TENM2: variants seen among roughly 807,000 people sequenced by gnomAD.
The protein encoded by TENM2 is teneurin transmembrane protein 2.
A neutral mutation model predicts 245.2 loss-of-function variants in TENM2; 52 were observed. That is an observed-to-expected ratio of 0.21 (90% CI 0.17 to 0.27). The LOEUF is 0.27. Among genes scored for constraint, TENM2 ranks in the 10% least tolerant of loss-of-function variants. The pLI is 1.00. For missense variants in TENM2, 3,046 were observed against 3,666.8 expected (o/e 0.83, Z 4.37); for synonymous variants, 1,363 against 1,438.9 (o/e 0.95, Z 1.19).
chr5:168,230,837 G>A (rs535288632), intron 25 of TENM2: 1 of 152,244 alleles, frequency 6.6e-6, no homozygotes, highest in Non-Finnish European at 1.5e-5. Flanking sequence ...TTAGTAGTGT[G>A]ATGTAAGCTA....
At chr5:167,079,455 G>A in the TENM2 span, among the ~76,000 whole-genome samples, 1 of 150,908 alleles carries the variant, frequency 6.6e-6, no homozygotes, top group African/African-American at 2.4e-5. Flanking sequence ...CTGGGATTGT[G>A]GGCATGCGCC....
chr5:167,852,146 G>A (rs1315671554), intron 2 of TENM2, among the ~76,000 whole-genome samples: 1 of 152,180 alleles, frequency 6.6e-6, no homozygotes, highest in Admixed American at 6.5e-5. Context: ...AAAATTGTAG[G>A]CAGTTGACTT....
At chr5:167,086,052 A>G in the TENM2 span, among the ~76,000 whole-genome samples, 1 of 152,190 alleles carries the variant, frequency 6.6e-6, no homozygotes, top group South Asian at 2.1e-4. Flanking sequence ...GGATGATTCT[A>G]TTCCAGTTGG....
intron 5 of TENM2, among the ~76,000 whole-genome samples, chr5:168,040,848 C>T (rs1788123988): frequency 6.6e-6 from 1 of 152,176 alleles, no homozygotes; most frequent in Non-Finnish European, 1.5e-5. Context: ...AAACACCAAA[C>T]ATGTTGTTGA....
chr5:167,076,844 C>CT, the TENM2 span, among the ~76,000 whole-genome samples: 1 of 152,046 alleles, frequency 6.6e-6, no homozygotes, highest in Non-Finnish European at 1.5e-5. Context: ...AGCTGTTCTT[C>CT]TTTTTTCTTT....
intron 1 of TENM2, among the ~76,000 whole-genome samples, chr5:167,311,589 T>G (rs1463029302): frequency 6.6e-6 from 1 of 152,220 alleles, no homozygotes; most frequent in Non-Finnish European, 1.5e-5. Context: ...AATGGAATTT[T>G]AGTTTTCGTG....
At chr5:167,185,817 C>T in the TENM2 span, among the ~76,000 whole-genome samples, 45 of 152,044 alleles carry the variant, frequency 3.0e-4, no homozygotes, top group Non-Finnish European at 5.0e-4. Context: ...TGTGTCTTTG[C>T]GGGGACAGGA....
At chr5:167,738,791 C>G (rs1404522047) in intron 2 of TENM2, among the ~76,000 whole-genome samples, 1 of 152,086 alleles carries the variant, frequency 6.6e-6, no homozygotes, top group Non-Finnish European at 1.5e-5. Flanking sequence ...CACCCTCATC[C>G]CTGGTGTTTC....
chr5:166,982,934 T>C, the TENM2 span, among the ~76,000 whole-genome samples: 6 of 152,276 alleles, frequency 3.9e-5, no homozygotes, highest in South Asian at 1.2e-3. Context: ...TGAGTCTTAT[T>C]TGCTGAGAGC....
intron 1 of TENM2, among the ~76,000 whole-genome samples, chr5:167,323,411 C>T (rs953463776): frequency 6.6e-6 from 1 of 152,104 alleles, no homozygotes; most frequent in African/African-American, 2.4e-5. Context: ...ATGGTGCATA[C>T]ATACATATAT....
the TENM2 span, among the ~76,000 whole-genome samples, chr5:167,235,098 G>A: frequency 2.6e-5 from 4 of 152,178 alleles, no homozygotes; most frequent in African/African-American, 9.7e-5. Context: ...TATGGTGTCA[G>A]CAGGGTTGGT....
rs896210500 is a variant in TENM2, at chr5:167,326,381, TA to T, written c.226+41319del. Among the ~76,000 whole-genome samples, 9 of 151,956 alleles carry T rather than the reference TA, an allele frequency of 5.9e-5. No individual in the cohort carries two copies. The South Asian group carries it at 1.5e-3, about 25-fold the overall frequency. On this transcript the variant is annotated intron_variant, in intron 1 of 28. Coordinates refer to ENST00000518659, the Ensembl canonical transcript of TENM2. Reference sequence around the variant, plus strand: ...AGTAATTTTATACGTACTCTTAAAATAGGATAAAGTCAGCCAGGCATGGTGG... The same window carrying T: ...AGTAATTTTATACGTACTCTTAAAATGGATAAAGTCAGCCAGGCATGGTGG...
At chr5:167,705,965 T>TTATATATA (rs368174120) in intron 2 of TENM2, among the ~76,000 whole-genome samples, 10 of 119,942 alleles carry the variant, frequency 8.3e-5, no homozygotes, top group African/African-American at 2.3e-4. Context: ...CAAGGCTGGG[T>TTATATATA]TATATATATA....
chr5:167,445,672 G>A (rs186929161), intron 2 of TENM2, among the ~76,000 whole-genome samples: 1 of 152,260 alleles, frequency 6.6e-6, no homozygotes, highest in East Asian at 1.9e-4. Context: ...TATAGGCAGT[G>A]TAAAAAAGGC....
chr5:167,470,136 G>A (rs1279472549), intron 2 of TENM2, among the ~76,000 whole-genome samples: 4 of 152,056 alleles, frequency 2.6e-5, no homozygotes, highest in Admixed American at 2.6e-4. Context: ...GAAGTTTTCA[G>A]AATGAAATGG....
chr5:167,690,851 G>A (rs1186589399), intron 2 of TENM2, among the ~76,000 whole-genome samples: 1 of 150,642 alleles, frequency 6.6e-6, no homozygotes, highest in Non-Finnish European at 1.5e-5. Flanking sequence ...ACACATATAT[G>A]TTTGTATATA....
chr5:167,325,246 G>A (rs1241372598), intron 1 of TENM2, among the ~76,000 whole-genome samples: 1 of 152,164 alleles, frequency 6.6e-6, no homozygotes, highest in African/African-American at 2.4e-5. Flanking sequence ...TTTTTAAATA[G>A]AGCGTTTCAG....
Position 167,369,238 on chromosome 5 carries a change from C to G in TENM2, c.227-5960C>G, listed in dbSNP as rs1296922730. The stretch of plus-strand genomic sequence containing the variant: ...GTCCTGTCCCATTTTTCAGAAACTG[C>G]TTATGTGATTTTTGTATGTAATGTC... On this transcript the variant is annotated intron_variant, in intron 1 of 28. Coordinates refer to ENST00000518659, the Ensembl canonical transcript of TENM2. Among the ~76,000 whole-genome samples, 6 of 152,226 alleles carry G rather than the reference C, an allele frequency of 3.9e-5. No individual in the cohort carries two copies. In the East Asian group the frequency reaches 9.7e-4, roughly 25 times the overall value.
intron 2 of TENM2, among the ~76,000 whole-genome samples, chr5:167,478,990 A>ATATGTGTG (rs1554163338): frequency 2.2e-4 from 33 of 151,348 alleles, no homozygotes; most frequent in East Asian, 5.8e-4. Flanking sequence ...CTTTATATAT[A>ATATGTGTG]TGTGTGTGTG....
Sources: gnomAD v4.1 joint callset for allele counts (sites outside exome capture counted in the v4.1 genomes callset) on GRCh38, gnomAD v4.1.1 for gene constraint, MANE v1.5 for transcripts, NCBI Gene and HGNC (gene_info 2026-07-23, HGNC 2026-07-21) for gene names.